Variants in TLL2 observed in about 807,000 individuals in gnomAD.
The protein encoded by TLL2 is tolloid like 2.
In TLL2, 106 loss-of-function variants were observed where a neutral mutation model predicts 123.0. The ratio of observed to expected loss-of-function variants is 0.86; its 90% confidence interval spans 0.74 to 1.01. The LOEUF is 1.01. Among genes scored for constraint, TLL2 ranks in the 50% least tolerant of loss-of-function variants. The probability of loss-of-function intolerance (pLI) is 0.00; values close to 1 mark genes in which losing one functional copy is unlikely to be tolerated. For missense variants in TLL2, 1,332 were observed against 1,336.7 expected, an observed-to-expected ratio of 1.00 and a Z score of 0.06; for synonymous variants, 494 against 516.8, an observed-to-expected ratio of 0.96 and a Z score of 0.60.
intron 1 of TLL2, among the ~76,000 whole-genome samples, chr10:96,498,109 A>C (rs954213887): frequency 6.6e-6 from 1 of 152,224 alleles, no homozygotes; most frequent in African/African-American, 2.4e-5. Context: ...CATAAGCCCT[A>C]ATAGCTTCAC....
intron 1 of TLL2, among the ~76,000 whole-genome samples, chr10:96,486,385 A>G (rs1847357008): frequency 6.6e-6 from 1 of 152,190 alleles, no homozygotes; most frequent in South Asian, 2.1e-4. Context: ...CACTATCATT[A>G]ACTACCCTAC....
intron 15 of TLL2, among the ~76,000 whole-genome samples, chr10:96,385,550 G>A (rs1042206680): frequency 1.3e-5 from 2 of 152,130 alleles, no homozygotes; most frequent in Admixed American, 1.3e-4. Flanking sequence ...TCTCAGGAAT[G>A]GCTTGTGTGC....
intron 2 of TLL2, among the ~76,000 whole-genome samples, chr10:96,466,898 C>G (rs1847137509): frequency 6.6e-6 from 1 of 152,184 alleles, no homozygotes; most frequent in Non-Finnish European, 1.5e-5. Context: ...AGCTTAGAGT[C>G]CAGCACTCCA....
At chr10:96,476,333 T>C (rs2134101950) in intron 2 of TLL2, among the ~76,000 whole-genome samples, 1 of 149,572 alleles carries the variant, frequency 6.7e-6, no homozygotes, top group Middle Eastern at 3.4e-3. Flanking sequence ...AGTGAAATCG[T>C]ACTAGCAACC....
At chr10:96,456,023 C>A (rs1023167157) in intron 2 of TLL2, among the ~76,000 whole-genome samples, 9 of 152,192 alleles carry the variant, frequency 5.9e-5, no homozygotes, top group Non-Finnish European at 1.2e-4. Flanking sequence ...AGCATTTCCT[C>A]ATTTAGTTCT....
At chr10:96,429,447 A>T (rs994386338) in intron 4 of TLL2, among the ~76,000 whole-genome samples, 9 of 152,194 alleles carry the variant, frequency 5.9e-5, no homozygotes, top group Admixed American at 1.3e-4. Flanking sequence ...ACACAACGTA[A>T]CTTTTCTGAG....
At chr10:96,395,519 A>G in intron 12 of TLL2, 137 bp from the exon 13 acceptor site, 1 of 830,574 alleles carries the variant, frequency 1.2e-6, no homozygotes, top group Non-Finnish European at 1.8e-6. Flanking sequence ...AGGTCTCTCC[A>G]TGCTGCTTCC....
At chr10:96,476,248 T>TTTTTTTTTTTTTTTTTTTTGTTG (rs1285354320) in intron 2 of TLL2, among the ~76,000 whole-genome samples, 1 of 69,238 alleles carries the variant, frequency 1.4e-5, no homozygotes, top group Non-Finnish European at 2.7e-5. Context: ...ATATTTTATT[T>TTTTTTTTTTTTTTTTTTTTGTTG]TTGTTGTTGT....
In TLL2 at chr10:96,370,056, G is replaced by A. The variant is rs754986058; in HGVS notation, c.2913+9C>T. On this transcript the variant is annotated intron_variant, in intron 20 of 20. Transcript: ENST00000357947. ...ACTCTGCCCCGGCCCCAGCGTCTCCGGGACTTACCCCAGAGCCACAGAAGC... is the reference window on the plus strand; with the variant it reads ...ACTCTGCCCCGGCCCCAGCGTCTCCAGGACTTACCCCAGAGCCACAGAAGC... 8 of 1,571,022 alleles carry A rather than the reference G, an allele frequency of 5.1e-6. No individual in the cohort carries two copies. In the African/African-American group the frequency reaches 6.8e-5, roughly 13 times the overall value.
At chr10:96,480,525 C>T in intron 1 of TLL2, 66 bp from the exon 2 acceptor site, 1 of 1,267,632 alleles carries the variant, frequency 7.9e-7, no homozygotes, top group South Asian at 1.2e-5. Flanking sequence ...TTCACTAATG[C>T]CCCAAAGGGC....
chr10:96,496,465 G>A (rs1235978382), intron 1 of TLL2, among the ~76,000 whole-genome samples: 1 of 152,226 alleles, frequency 6.6e-6, no homozygotes, highest in Non-Finnish European at 1.5e-5. Flanking sequence ...CGCTCTGAAA[G>A]CTGACTGCTT....
chr10:96,456,180 G>A (rs968692957), intron 2 of TLL2, among the ~76,000 whole-genome samples: 1 of 152,138 alleles, frequency 6.6e-6, no homozygotes, highest in Non-Finnish European at 1.5e-5. Flanking sequence ...TATAATACAA[G>A]GCTAGGTATT....
At chr10:96,399,692 A>G (rs891778078) in intron 10 of TLL2, among the ~76,000 whole-genome samples, 4 of 152,232 alleles carry the variant, frequency 2.6e-5, no homozygotes, top group Admixed American at 6.5e-5. Context: ...CTGCTTACCA[A>G]TGAGGACACG....
chr10:96,469,222 A>G (rs540436940), intron 2 of TLL2, among the ~76,000 whole-genome samples: 1 of 152,336 alleles, frequency 6.6e-6, no homozygotes, highest in East Asian at 1.9e-4. Context: ...TCAGCAGCAC[A>G]CTACCCTTCC....
In TLL2 at chr10:96,367,663, C is replaced by A. The variant is rs1846041166; in HGVS notation, c.*425G>T. On this transcript the variant is annotated 3_prime_UTR_variant, in exon 21 of 21. Transcript: ENST00000357947. ...CTGTGGGCCACACATTAGTCTCGGC[C>A]AAGTTTTCATCCCTTATGCCCAACA... The A allele has an allele frequency of 6.3e-6, 1 of 158,936 alleles. No homozygotes were observed. The highest frequency in any genetic ancestry group is 1.4e-5 in the Non-Finnish European group (1 of 71,768). The allele number at this position is 158,936 out of a possible 1,614,324, so 9.8% of individuals were successfully genotyped here.
intron 1 of TLL2, among the ~76,000 whole-genome samples, chr10:96,513,019 T>C (rs1039968197): frequency 1.3e-5 from 2 of 152,278 alleles, no homozygotes; most frequent in African/African-American, 4.8e-5. Context: ...TTTTGCCCGC[T>C]GTGACGCTTT....
chr10:96,469,105 A>T (rs1033984953), intron 2 of TLL2, among the ~76,000 whole-genome samples: 2 of 152,214 alleles, frequency 1.3e-5, no homozygotes, highest in Admixed American at 1.3e-4. Flanking sequence ...CTTTCCAGCT[A>T]GCACCTGCTG....
chr10:96,378,825 G>T lies in TLL2; in HGVS notation c.2320+142C>A, dbSNP rs114681962. ...GAGATGCCCTGGGGAAAACTCTCCC[G>T]CAAGGACAGCAGTTGCTGGGCCTCA... On this transcript the variant is annotated intron_variant, in intron 17 of 20. Coordinates refer to ENST00000357947, the MANE Select transcript of TLL2 (RefSeq NM_012465.4). The T allele has an allele frequency of 1.4e-3, 1,645 of 1,151,130 alleles. 10 individuals carry two copies. The African/African-American group carries it at 0.021, about 15-fold the overall frequency. The allele number at this position is 1,151,130 out of a possible 1,614,324, so 71.3% of individuals were successfully genotyped here. A position where few individuals can be genotyped will look rare whatever the true frequency, so the allele number is the denominator to read the frequency against.
chr10:96,395,750 A>G (rs1846333443), intron 12 of TLL2, 125 bp downstream of exon 12: 3 of 1,268,234 alleles, frequency 2.4e-6, no homozygotes, highest in Non-Finnish European at 2.2e-6. Context: ...ACAATTCACT[A>G]TGGGCTTGAG....
Sources: gnomAD v4.1 joint callset for allele counts (sites outside exome capture counted in the v4.1 genomes callset) on GRCh38, gnomAD v4.1.1 for gene constraint, MANE v1.5 for transcripts, NCBI Gene and HGNC (gene_info 2026-07-23, HGNC 2026-07-21) for gene names.